CEP95: variants seen among roughly 807,000 people sequenced by gnomAD.
CEP95 encodes the protein centrosomal protein of 95 kDa.
In CEP95, 98 loss-of-function variants were observed where a neutral mutation model predicts 111.2. The observed-to-expected ratio is 0.88, with a 90% CI of 0.75 to 1.04. CEP95 has a LOEUF of 1.04. Ranked by LOEUF, CEP95 falls within the 50% of genes least tolerant of loss-of-function variation. The pLI is 0.00. For missense variants in CEP95, 1,027 were observed against 977.2 expected (o/e 1.05, Z -0.68); for synonymous variants, 323 against 327.1 (o/e 0.99, Z 0.14).
At chr17:64,518,756 C>G (rs1967077681) in intron 5 of CEP95, among the ~76,000 whole-genome samples, 1 of 152,042 alleles carries the variant, frequency 6.6e-6, no homozygotes, top group Non-Finnish European at 1.5e-5. Flanking sequence ...TCTCGGCTCA[C>G]TGCAACCTCT....
chr17:64,536,379 G>A (rs978080380), intron 17 of CEP95: 2 of 302,772 alleles, frequency 6.6e-6, no homozygotes, highest in Non-Finnish European at 1.2e-5. Context: ...AGCCTGGGAG[G>A]TCAAGGCTGC....
intron 6 of CEP95, 64 bp from the exon 7 acceptor site, chr17:64,521,338 A>T: frequency 8.2e-7 from 1 of 1,212,510 alleles, no homozygotes; most frequent in Non-Finnish European, 1.2e-6. Flanking sequence ...CTTGGCTTTT[A>T]GTATAATGTT....
intron 14 of CEP95, chr17:64,532,424 C>T (rs782158701): frequency 1.8e-5 from 18 of 985,276 alleles, no homozygotes; most frequent in Non-Finnish European, 2.2e-5. Context: ...TTACAAGAAA[C>T]AAAGTCATGA....
At chr17:64,506,954 C>T, upstream of CEP95, 1 of 867,388 alleles carries the variant, frequency 1.2e-6, no homozygotes, top group Non-Finnish European at 1.9e-6. Flanking sequence ...GCTCTTTTAA[C>T]GTCCGTCCTT....
chr17:64,507,946 TGG>T (rs1555673536), intron 1 of CEP95: 247 of 985,268 alleles, frequency 2.5e-4, no homozygotes, highest in Non-Finnish European at 2.9e-4. Context: ...GAGGAGAATG[TGG>T]TACGCAGGAA....
At chr17:64,537,446 A>G in intron 19 of CEP95, 157 bp from the exon 20 acceptor site, 2 of 1,381,294 alleles carry the variant, frequency 1.4e-6, no homozygotes, top group Non-Finnish European at 9.4e-7. Flanking sequence ...TTTTTATCCT[A>G]TGATTTTAAC....
chr17:64,522,182 C>T (rs1009617018), intron 7 of CEP95, among the ~76,000 whole-genome samples: 10 of 152,082 alleles, frequency 6.6e-5, no homozygotes, highest in African/African-American at 2.2e-4. Flanking sequence ...TTATTATCAT[C>T]TCTGGAATTT....
intron 5 of CEP95, among the ~76,000 whole-genome samples, chr17:64,517,688 TA>T (rs1966980490): frequency 6.8e-6 from 1 of 146,912 alleles, no homozygotes; most frequent in Non-Finnish European, 1.5e-5. Flanking sequence ...CACACCTGGC[TA>T]ATTTTTTTTT....
intron 19 of CEP95, 46 bp from the exon 20 acceptor site, chr17:64,537,557 T>TGGA (rs1968741137): frequency 6.6e-7 from 1 of 1,518,116 alleles, no homozygotes; most frequent in African/African-American, 1.4e-5. Flanking sequence ...GATGAGGGCC[T>TGGA]GGATAAATGC....
chr17:64,536,879 C>A, intron 18 of CEP95, 131 bp downstream of exon 18: 4 of 1,199,184 alleles, frequency 3.3e-6, no homozygotes, highest in African/African-American at 3.1e-5. Flanking sequence ...TTAGAGGACC[C>A]CATTTCAAGA....
Position 64,532,019 on chromosome 17 carries a change from C to A in CEP95, c.1669C>A (p.Pro557Thr), listed in dbSNP as rs782485194. The A allele has an allele frequency of 1.3e-6, 2 of 1,571,448 alleles. No individual in the cohort carries two copies. Among genetic ancestry groups the A allele is most frequent in the South Asian group, 1.2e-5 (1 of 83,640 alleles). Residue 557 changes from proline (P) to threonine (T), a missense_variant, in exon 14 of 20, where the codon CCA becomes ACA. Physicochemically the swap from Pro to Thr is conservative, Grantham distance 38. Transcript: ENST00000556440. The stretch of plus-strand genomic sequence containing the variant: ...CCTCCCAAAGCCAAATAAAGCAGTT[C>A]CAAGTAAGAACCACAGAATTGTACT... Reference protein sequence around the residue: ...GGLPKPNKAVPMKVSEHSLLP... With the variant: ...GGLPKPNKAVTMKVSEHSLLP...
chr17:64,536,457 G>A, intron 17 of CEP95, 145 bp from the exon 18 acceptor site: 1 of 551,068 alleles, frequency 1.8e-6, no homozygotes, highest in South Asian at 2.7e-5. Flanking sequence ...TCAGAAAAAG[G>A]AGGTACATTT....
At chr17:64,507,579 C>T (rs1312426806) in intron 1 of CEP95, 12 of 1,024,900 alleles carry the variant, frequency 1.2e-5, no homozygotes, top group Middle Eastern at 4.9e-4. Context: ...GCTTTTTTCT[C>T]TTCAGTGCCC....
chr17:64,529,462 A>C, intron 12 of CEP95, 35 bp downstream of exon 12: 2 of 1,605,460 alleles, frequency 1.2e-6, no homozygotes, highest in Non-Finnish European at 1.7e-6. Context: ...ATTAAGCAGC[A>C]GCCAGTACCA....
chr17:64,510,867 C>T (rs571492663), intron 3 of CEP95, among the ~76,000 whole-genome samples: 35 of 152,128 alleles, frequency 2.3e-4, no homozygotes, highest in Non-Finnish European at 7.3e-5. Flanking sequence ...GAACCTGCCC[C>T]GATAGTCACG....
chr17:64,526,917 A>AC, intron 10 of CEP95, 194 bp from the exon 11 acceptor site: 2 of 425,000 alleles, frequency 4.7e-6, no homozygotes, highest in South Asian at 2.5e-5. Context: ...CCCAGCTAGC[A>AC]CCACTGCACT....
At chr17:64,506,947 C>A (rs1202536956), upstream of CEP95, 1 of 844,568 alleles carries the variant, frequency 1.2e-6, no homozygotes, top group Non-Finnish European at 2.0e-6. Flanking sequence ...GCGAGAAGCT[C>A]TTTTAACGTC....
chr17:64,534,599 C>G lies in CEP95; in HGVS notation c.1932C>G (p.Asp644Glu). 6.2e-7 allele frequency: 1 copy of G among 1,613,726 alleles called. No homozygotes were observed. Among genetic ancestry groups the G allele is most frequent in the Non-Finnish European group, 8.5e-7 (1 of 1,179,714 alleles). The part of the protein sequence containing the change: ...EHNKRLQDFK[D>E]CIRRQRLTQS... ...CCCTTTCTTAGCAAGACTTCAAGGA[C>G]TGCATTCGTAGGCAAAGGTTGACCC... is the stretch of plus-strand genomic sequence containing the variant. Residue 644 changes from aspartate to glutamate, a missense_variant, in exon 17 of 20, where the codon GAC becomes GAG. Asp to Glu is a conservative substitution (Grantham distance 45, BLOSUM62 2). Transcript: ENST00000556440.
chr17:64,537,343 T>A (rs1397673309), intron 19 of CEP95: 2 of 1,405,078 alleles, frequency 1.4e-6, no homozygotes, highest in Admixed American at 3.2e-5. Flanking sequence ...CATGACTAAT[T>A]TACATTTTTA....
Sources: allele counts gnomAD v4.1 joint callset (sites outside exome capture counted in the v4.1 genomes callset), GRCh38; gene constraint gnomAD v4.1.1; transcripts MANE v1.5; gene names NCBI Gene and HGNC (gene_info 2026-07-23, HGNC 2026-07-21).